The following TMIGD3 variants were observed in gnomAD, a reference collection of about 807,000 sequenced individuals.
TMIGD3 encodes AD026 protein (AD026).
A neutral mutation model predicts 28.1 loss-of-function variants in TMIGD3; 21 were observed. That is an observed-to-expected ratio of 0.75 (90% CI 0.53 to 1.08). TMIGD3 has a LOEUF of 1.08. TMIGD3 is among the 50% of genes least tolerant of loss of function. The pLI is 0.00. For synonymous variants in TMIGD3, 151 were observed against 162.1 expected (o/e 0.93, Z 0.52); for missense variants, 416 against 435.6 (o/e 0.96, Z 0.40).
intron 1 of TMIGD3, 72 bp from the exon 2 acceptor site, chr1:111,490,834 G>A (rs201441951): frequency 2.8e-6 from 3 of 1,076,492 alleles, no homozygotes; most frequent in East Asian, 2.4e-5. Context: ...AGTGAAAAGG[G>A]AAACAACCAG....
intron 1 of TMIGD3, among the ~76,000 whole-genome samples, chr1:111,544,311 T>G (rs1304096406): frequency 2.0e-5 from 3 of 152,188 alleles, no homozygotes; most frequent in Non-Finnish European, 4.4e-5. Context: ...ATTCACAATG[T>G]TGTACAACCA....
At chr1:111,559,688 A>G (rs562992610) in intron 1 of TMIGD3, among the ~76,000 whole-genome samples, 1 of 152,178 alleles carries the variant, frequency 6.6e-6, no homozygotes, top group Non-Finnish European at 1.5e-5. Context: ...TAAAACATCC[A>G]TGTTCCTTTT....
At position 111,502,049 on chromosome 1, in the gene TMIGD3, A is replaced by ATAAATATATAGGATATATATAT. The variant is rs1553201026; in HGVS notation, c.350+955_350+956insATATATATATCCTATATATTTA. On this transcript the variant is annotated intron_variant, in intron 1 of 5. Coordinates refer to ENST00000369716, the MANE Select transcript of TMIGD3 (RefSeq NM_020683.7). ...ATATTATATATAGGATATATATTTA[A>ATAAATATATAGGATATATATAT]TATAATAAATATATAGGATATATAT... Among the ~76,000 whole-genome samples the ATAAATATATAGGATATATATAT allele has an allele frequency of 1.1e-3, 101 of 92,124 alleles. 1 individual carries two copies. Among genetic ancestry groups the ATAAATATATAGGATATATATAT allele is most frequent in the Admixed American group, 1.8e-3 (11 of 6,104 alleles). 60.4% of individuals were successfully genotyped at this position (92,124 alleles called of 152,430 possible).
chr1:111,559,538 C>A (rs12089593), intron 1 of TMIGD3, among the ~76,000 whole-genome samples: 1 of 152,224 alleles, frequency 6.6e-6, no homozygotes, highest in African/African-American at 2.4e-5. Flanking sequence ...TCTCACTTTG[C>A]CTCCTTTTTC....
intron 1 of TMIGD3, among the ~76,000 whole-genome samples, chr1:111,525,133 T>C (rs537369185): frequency 6.6e-6 from 1 of 152,360 alleles, no homozygotes; most frequent in South Asian, 2.1e-4. Context: ...GAAAAAGATA[T>C]GTATTCTACT....
intron 1 of TMIGD3, among the ~76,000 whole-genome samples, chr1:111,493,261 T>C (rs1261992519): frequency 1.2e-4 from 19 of 152,162 alleles, no homozygotes. Flanking sequence ...GGGAAGTGTT[T>C]AGGTCATGGG....
At position 111,516,632 on chromosome 1, in the gene TMIGD3, A is replaced by G. The variant is rs572739767; in HGVS notation, c.108-25870T>C. ...AGCTTCTGCTGGGTGAGTGGGGCCC[A>G]GGGTTTCTGAGAAGGCCTCAGCTCC... On this transcript the variant is annotated intron_variant, in intron 1 of 5. Coordinates refer to the TMIGD3 transcript ENST00000369717. Among the ~76,000 whole-genome samples the G allele has an allele frequency of 3.7e-3, 557 of 152,340 alleles. 5 individuals are homozygous for G. Among genetic ancestry groups the G allele is most frequent in the Non-Finnish European group, 4.0e-3 (274 of 68,028 alleles).
intron 5 of TMIGD3, chr1:111,485,426 G>C (rs1177341547): frequency 2.1e-5 from 6 of 282,628 alleles, no homozygotes; most frequent in African/African-American, 1.1e-4. Flanking sequence ...CCTTCGACAG[G>C]AGCCCGAAGT....
chr1:111,502,939 G>C (rs1655317317), intron 1 of TMIGD3, 66 bp downstream of exon 1: 1 of 1,577,048 alleles, frequency 6.3e-7, no homozygotes, highest in Admixed American at 1.7e-5. Context: ...AAAAGTCTGG[G>C]CTCTGGGCTT....
Position 111,485,990 on chromosome 1 carries a change from C to T in TMIGD3, c.873-150G>A, listed in dbSNP as rs186826447. On this transcript the variant is annotated intron_variant, in intron 4 of 5. Transcript: ENST00000369716. ...GGGAACCGTATTCCTTTAGAGTGAC[C>T]CTGTCCTTTGGACCACCCTCGATGG... 9.2e-4 allele frequency: 551 copies of T among 601,386 alleles called. 3 individuals carry two copies. Among genetic ancestry groups the T allele is most frequent in the Non-Finnish European group, 3.1e-4 (107 of 346,556 alleles). The allele number at this position is 601,386 out of a possible 1,614,324, so 37.3% of individuals were successfully genotyped here.
intron 2 of TMIGD3, chr1:111,489,641 G>C (rs1307445902): frequency 2.0e-5 from 23 of 1,135,360 alleles, no homozygotes; most frequent in Non-Finnish European, 2.2e-5. Flanking sequence ...GCTTGACGGA[G>C]GGCCTTGAAG....
At chr1:111,505,988 T>A (rs1260019651), upstream of TMIGD3, among the ~76,000 whole-genome samples, 3 of 152,022 alleles carry the variant, frequency 2.0e-5, no homozygotes, top group African/African-American at 7.2e-5. Context: ...TCTCTTTCAC[T>A]TCCTCTCCCC....
At chr1:111,563,849 G>A in exon 1 of TMIGD3, 2 of 1,612,114 alleles carry the variant, frequency 1.2e-6, no homozygotes, top group East Asian at 4.5e-5. Flanking sequence ...GACTCACTGT[G>A]ACTCAGGACT....
chr1:111,537,858 T>A (rs896610029), intron 1 of TMIGD3, among the ~76,000 whole-genome samples: 1 of 151,626 alleles, frequency 6.6e-6, no homozygotes, highest in African/African-American at 2.4e-5. Flanking sequence ...GGGGCTATGA[T>A]GACCAGGATG....
chr1:111,546,211 G>T (rs1334724148), intron 1 of TMIGD3, among the ~76,000 whole-genome samples: 1 of 152,128 alleles, frequency 6.6e-6, no homozygotes, highest in African/African-American at 2.4e-5. Flanking sequence ...GAGCAATTTA[G>T]AAAGTACTGC....
chr1:111,485,957 T>C (rs1207102418), intron 4 of TMIGD3, 117 bp from the exon 5 acceptor site: 2 of 699,792 alleles, frequency 2.9e-6, no homozygotes, highest in Admixed American at 5.5e-5. Flanking sequence ...CCAGTTACAG[T>C]AGCTTCTGGG....
chr1:111,483,465 G>A lies in TMIGD3; in HGVS notation c.*222C>T. 1.9e-6 allele frequency: 1 copy of A among 522,150 alleles called. No individual in the cohort carries two copies. Among genetic ancestry groups the A allele is most frequent in the East Asian group, 3.4e-5 (1 of 29,358 alleles). 32.3% of individuals were successfully genotyped at this position (522,150 alleles called of 1,614,324 possible). The stretch of plus-strand genomic sequence containing the variant: ...GACTGATGGAATGCATAAGAACTAA[G>A]ATCTTGAGATGTTATTTGAGGGCAG... On this transcript the variant is annotated 3_prime_UTR_variant, in exon 6 of 6. Transcript: ENST00000369716.
intron 1 of TMIGD3, among the ~76,000 whole-genome samples, chr1:111,529,618 G>T (rs1274697667): frequency 6.7e-6 from 1 of 150,044 alleles, no homozygotes; most frequent in African/African-American, 2.5e-5. Context: ...AGCACATCTT[G>T]CACCGCCCTT....
intron 1 of TMIGD3, among the ~76,000 whole-genome samples, chr1:111,545,455 T>C (rs748501679): frequency 6.6e-6 from 1 of 152,154 alleles, no homozygotes; most frequent in Non-Finnish European, 1.5e-5. Context: ...CCTTTGCTCA[T>C]TTTTAAATTG....
Sources: gnomAD v4.1 joint callset for allele counts (sites outside exome capture counted in the v4.1 genomes callset) on GRCh38, gnomAD v4.1.1 for gene constraint, MANE v1.5 for transcripts, NCBI Gene and HGNC (gene_info 2026-07-23, HGNC 2026-07-21) for gene names.